SCD5: variants seen among roughly 807,000 people sequenced by gnomAD.
The protein encoded by SCD5 is stearoyl-CoA desaturase 5.
Under a neutral mutation model 30.4 loss-of-function variants are expected in SCD5, and 20 were observed. The observed-to-expected ratio is 0.66, with a 90% confidence interval of 0.46 to 0.96. The LOEUF (loss-of-function observed/expected upper bound fraction) is 0.96. SCD5 is among the 40% of genes least tolerant of loss of function. SCD5 has a pLI of 0.00. For missense variants in SCD5, 381 were observed against 443.3 expected, an observed-to-expected ratio of 0.86 and a Z score of 1.26; for synonymous variants, 173 against 176.4, an observed-to-expected ratio of 0.98 and a Z score of 0.16.
chr4:82,708,712 A>T (rs887376110), intron 1 of SCD5, among the ~76,000 whole-genome samples: 3 of 152,156 alleles, frequency 2.0e-5, no homozygotes. Context: ...CCCCCTCCTG[A>T]CTATATGACA....
intron 3 of SCD5, among the ~76,000 whole-genome samples, chr4:82,671,140 G>T (rs980947015): frequency 1.3e-5 from 2 of 152,094 alleles, no homozygotes; most frequent in Non-Finnish European, 2.9e-5. Flanking sequence ...AGTTATCAGG[G>T]ATAGAGAGAC....
chr4:82,644,894 A>G (rs1356684129), intron 3 of SCD5, among the ~76,000 whole-genome samples: 2 of 152,232 alleles, frequency 1.3e-5, no homozygotes, highest in Non-Finnish European at 2.9e-5. Context: ...AAATGTTGAC[A>G]ATATTTAAGA....
chr4:82,650,630 A>G (rs1414168205), intron 3 of SCD5, among the ~76,000 whole-genome samples: 1 of 152,118 alleles, frequency 6.6e-6, no homozygotes, highest in Non-Finnish European at 1.5e-5. Flanking sequence ...GGGGAGGTTG[A>G]GGCTACAGTG....
In SCD5 at chr4:82,692,864, G is replaced by C. The variant is rs1027275307; in HGVS notation, c.364-11952C>G. On this transcript the variant is annotated intron_variant, in intron 2 of 4. Coordinates refer to ENST00000319540, the MANE Select transcript of SCD5 (RefSeq NM_001037582.3). Reference sequence around the variant, plus strand: ...TTCAAATCCTGGCCCCAACCTCTCAGGTCTGCCTTGGCCCACAAGCTGGCT... The same window carrying C: ...TTCAAATCCTGGCCCCAACCTCTCACGTCTGCCTTGGCCCACAAGCTGGCT... 9.1e-4 allele frequency among the ~76,000 whole-genome samples: 139 copies of C among 152,320 alleles called. 1 individual carries two copies. Among genetic ancestry groups the C allele is most frequent in the African/African-American group, 3.3e-3 (137 of 41,574 alleles).
intron 3 of SCD5, among the ~76,000 whole-genome samples, chr4:82,653,375 G>C (rs1727795472): frequency 6.6e-6 from 1 of 152,120 alleles, no homozygotes; most frequent in African/African-American, 2.4e-5. Context: ...CACAGTTGTA[G>C]ACTCTCTCCC....
chr4:82,757,959 T>C (rs1435284718), intron 1 of SCD5, among the ~76,000 whole-genome samples: 1 of 152,244 alleles, frequency 6.6e-6, no homozygotes, highest in Non-Finnish European at 1.5e-5. Flanking sequence ...ATGATGTTCA[T>C]TTGGCTGCTC....
At chr4:82,716,319 C>G (rs1169752337) in intron 1 of SCD5, among the ~76,000 whole-genome samples, 2 of 151,876 alleles carry the variant, frequency 1.3e-5, no homozygotes, top group Admixed American at 6.5e-5. Context: ...CTGCCATTTC[C>G]TAGCTGGGGT....
intron 1 of SCD5, among the ~76,000 whole-genome samples, chr4:82,756,276 C>A (rs1390354008): frequency 6.6e-6 from 1 of 152,214 alleles, no homozygotes; most frequent in Non-Finnish European, 1.5e-5. Flanking sequence ...CCCTCTCCTG[C>A]CCTCCTGGAC....
At chr4:82,663,856 C>T (rs964152130) in intron 3 of SCD5, among the ~76,000 whole-genome samples, 1 of 152,134 alleles carries the variant, frequency 6.6e-6, no homozygotes, top group African/African-American at 2.4e-5. Context: ...ATCTTCTGCC[C>T]CTTTGAGGAA....
intron 3 of SCD5, among the ~76,000 whole-genome samples, chr4:82,667,287 C>CACGCAT (rs1491434548): frequency 7.0e-6 from 1 of 142,388 alleles, no homozygotes; most frequent in East Asian, 2.2e-4. Flanking sequence ...CACACACACA[C>CACGCAT]GCACGCACGC....
intron 3 of SCD5, chr4:82,660,773 G>A: frequency 1.3e-6 from 2 of 1,579,170 alleles, no homozygotes; most frequent in Non-Finnish European, 1.7e-6. Context: ...CTGCAGCTCT[G>A]TCTATGCTTC....
intron 1 of SCD5, among the ~76,000 whole-genome samples, chr4:82,772,291 A>T (rs913583662): frequency 2.0e-5 from 3 of 152,240 alleles, no homozygotes; most frequent in African/African-American, 7.2e-5. Flanking sequence ...AGACAGTGAC[A>T]AGTATCCTTT....
At chr4:82,700,215 T>C (rs1385596650) in intron 2 of SCD5, among the ~76,000 whole-genome samples, 5 of 151,698 alleles carry the variant, frequency 3.3e-5, no homozygotes, top group Non-Finnish European at 7.4e-5. Flanking sequence ...GGACTCCATC[T>C]CAAAAAAGAT....
At chr4:82,687,458 G>A (rs1483174275) in intron 2 of SCD5, among the ~76,000 whole-genome samples, 1 of 152,136 alleles carries the variant, frequency 6.6e-6, no homozygotes, top group African/African-American at 2.4e-5. Context: ...CTATATTCCT[G>A]AATGAAAACA....
intron 1 of SCD5, among the ~76,000 whole-genome samples, chr4:82,755,273 G>A (rs1237882269): frequency 6.6e-6 from 1 of 152,318 alleles, no homozygotes; most frequent in East Asian, 1.9e-4. Context: ...GCTGAGGCAG[G>A]CAGATCACCT....
intron 2 of SCD5, among the ~76,000 whole-genome samples, chr4:82,690,071 G>A (rs1578022707): frequency 6.6e-6 from 1 of 152,156 alleles, no homozygotes; most frequent in Non-Finnish European, 1.5e-5. Flanking sequence ...TCATTGTAAT[G>A]CATAATCCTC....
intron 1 of SCD5, among the ~76,000 whole-genome samples, chr4:82,735,680 G>A (rs1385033241): frequency 2.6e-5 from 4 of 152,150 alleles, no homozygotes; most frequent in South Asian, 2.1e-4. Flanking sequence ...GTCACTCACC[G>A]ATTCACCAAA....
At chr4:82,696,750 A>G (rs147784068) in intron 2 of SCD5, among the ~76,000 whole-genome samples, 81 of 152,352 alleles carry the variant, frequency 5.3e-4, no homozygotes, top group African/African-American at 1.9e-3. Flanking sequence ...CAGCAGCATA[A>G]GAGTGTCTGG....
chr4:82,758,931 AAAC>A (rs201841966), intron 1 of SCD5, among the ~76,000 whole-genome samples: 2,066 of 152,272 alleles, frequency 0.014, 22 homozygotes, highest in Non-Finnish European at 0.018. Flanking sequence ...CAATCCTGCG[AAAC>A]AACAAGCACA....
Sources: gnomAD v4.1 joint callset for allele counts (sites outside exome capture counted in the v4.1 genomes callset) on GRCh38, gnomAD v4.1.1 for gene constraint, MANE v1.5 for transcripts, NCBI Gene and HGNC (gene_info 2026-07-23, HGNC 2026-07-21) for gene names.